GULP1: variants seen among roughly 807,000 people sequenced by gnomAD.
GULP1 encodes PTB domain-containing engulfment adapter protein 1.
GULP1 carries 19 observed loss-of-function variants against 40.9 expected under a neutral mutation model. The observed-to-expected ratio is 0.46, with a 90% CI of 0.32 to 0.68. The LOEUF is 0.68. Among genes scored for constraint, GULP1 ranks in the 30% least tolerant of loss-of-function variants. The probability of loss-of-function intolerance (pLI) is 0.03; values close to 1 mark genes in which losing one functional copy is unlikely to be tolerated. For missense variants in GULP1, 312 were observed against 362.2 expected, an observed-to-expected ratio of 0.86 and a Z score of 1.12; for synonymous variants, 119 against 117.6, an observed-to-expected ratio of 1.01 and a Z score of -0.08.
intron 2 of GULP1, among the ~76,000 whole-genome samples, chr2:188,413,946 T>A (rs1342694164): frequency 6.6e-6 from 1 of 152,120 alleles, no homozygotes; most frequent in Non-Finnish European, 1.5e-5. Flanking sequence ...TTAGTTGGAA[T>A]GATTCATTGA....
intron 1 of GULP1, among the ~76,000 whole-genome samples, chr2:188,321,748 G>A (rs1483687112): frequency 6.6e-6 from 1 of 151,978 alleles, no homozygotes; most frequent in Non-Finnish European, 1.5e-5. Context: ...CAAGCATGGT[G>A]GCTCACACCT....
At chr2:188,395,278 T>G (rs2051085489) in intron 2 of GULP1, among the ~76,000 whole-genome samples, 1 of 152,210 alleles carries the variant, frequency 6.6e-6, no homozygotes, top group Non-Finnish European at 1.5e-5. Context: ...AGCACAAGTT[T>G]TCATCTGCAC....
intron 1 of GULP1, among the ~76,000 whole-genome samples, chr2:188,383,189 C>G (rs1370976504): frequency 6.6e-6 from 1 of 152,132 alleles, no homozygotes; most frequent in Non-Finnish European, 1.5e-5. Context: ...GCTGTTGTGT[C>G]TACCCAGAAA....
At chr2:188,296,186 A>G (rs868088429) in intron 1 of GULP1, among the ~76,000 whole-genome samples, 1 of 152,098 alleles carries the variant, frequency 6.6e-6, no homozygotes, top group Non-Finnish European at 1.5e-5. Context: ...TTCCCATAAG[A>G]GCATAAAATA....
intron 4 of GULP1, among the ~76,000 whole-genome samples, chr2:188,506,710 A>G (rs1443161132): frequency 6.6e-6 from 1 of 152,040 alleles, no homozygotes; most frequent in Non-Finnish European, 1.5e-5. Flanking sequence ...CTTAAATTCT[A>G]CATCACTATG....
intron 2 of GULP1, among the ~76,000 whole-genome samples, chr2:188,394,549 A>T (rs2050963643): frequency 6.6e-6 from 1 of 152,010 alleles, no homozygotes; most frequent in African/African-American, 2.4e-5. Flanking sequence ...CTTGGTTTGG[A>T]CCCATTTCTG....
At chr2:188,589,504 T>G (rs189080890) in intron 11 of GULP1, 1 of 329,220 alleles carries the variant, frequency 3.0e-6, no homozygotes, top group Non-Finnish European at 5.5e-6. Context: ...GCACAGGTCA[T>G]ACAGAGTACT....
At chr2:188,481,300 T>C (rs2061429507) in intron 3 of GULP1, among the ~76,000 whole-genome samples, 1 of 151,978 alleles carries the variant, frequency 6.6e-6, no homozygotes, top group South Asian at 2.1e-4. Flanking sequence ...TACTCAAGAT[T>C]TAGTCCTATC....
At chr2:188,475,309 CTG>C (rs1436572252) in intron 2 of GULP1, among the ~76,000 whole-genome samples, 1 of 152,112 alleles carries the variant, frequency 6.6e-6, no homozygotes, top group African/African-American at 2.4e-5. Context: ...AAAAGTGCTT[CTG>C]GTGTTTTAGA....
chr2:188,452,834 G>A (rs180783309), intron 2 of GULP1, among the ~76,000 whole-genome samples: 2 of 151,978 alleles, frequency 1.3e-5, no homozygotes, highest in East Asian at 3.9e-4. Context: ...ACAATAATAG[G>A]GTATATTTCA....
intron 1 of GULP1, among the ~76,000 whole-genome samples, chr2:188,334,806 G>A (rs1028306421): frequency 6.6e-6 from 1 of 152,086 alleles, no homozygotes; most frequent in Non-Finnish European, 1.5e-5. Context: ...ATCATATTTG[G>A]GATAGAAAGG....
chr2:188,480,456 G>T, intron 3 of GULP1, among the ~76,000 whole-genome samples: 2 of 147,556 alleles, frequency 1.4e-5, no homozygotes. Context: ...ACATAATTGT[G>T]TTTTTTTTTT....
chr2:188,450,538 A>G (rs116347740), intron 2 of GULP1, among the ~76,000 whole-genome samples: 2,768 of 152,148 alleles, frequency 0.018, 44 homozygotes, highest in Non-Finnish European at 0.031. Flanking sequence ...CTATATAGAT[A>G]TATACATTAT....
chr2:188,513,658 G>A (rs960208992), intron 4 of GULP1, among the ~76,000 whole-genome samples: 3 of 151,748 alleles, frequency 2.0e-5, no homozygotes, highest in Non-Finnish European at 2.9e-5. Flanking sequence ...TAAAATTAAC[G>A]TATTTATTCA....
At chr2:188,556,064 A>AAAAAAG (rs201275245) in intron 7 of GULP1, among the ~76,000 whole-genome samples, 1 of 151,846 alleles carries the variant, frequency 6.6e-6, no homozygotes, top group Non-Finnish European at 1.5e-5. Flanking sequence ...TCTCAAAAAA[A>AAAAAAG]AAAAAGAAAA....
At chr2:188,555,256 G>A (rs1484162511) in intron 7 of GULP1, among the ~76,000 whole-genome samples, 1 of 152,112 alleles carries the variant, frequency 6.6e-6, no homozygotes, top group African/African-American at 2.4e-5. Flanking sequence ...GTAGATGTCT[G>A]TAGTGGTACA....
intron 7 of GULP1, among the ~76,000 whole-genome samples, chr2:188,564,533 T>C (rs1200418244): frequency 6.6e-6 from 1 of 151,912 alleles, no homozygotes; most frequent in Non-Finnish European, 1.5e-5. Flanking sequence ...AAGCCCTCTA[T>C]ACTGAAATCT....
chr2:188,585,219 G>A (rs1702123818), intron 10 of GULP1, among the ~76,000 whole-genome samples: 1 of 152,168 alleles, frequency 6.6e-6, no homozygotes, highest in South Asian at 2.1e-4. Flanking sequence ...CCACCTCTGT[G>A]GCTCTGCAGG....
rs558252698 is a variant in GULP1, at chr2:188,516,964, C to T, written c.91-5792C>T. Among the ~76,000 whole-genome samples the T allele has an allele frequency of 4.6e-5, 7 of 152,210 alleles. No individual in the cohort carries two copies. The South Asian group carries it at 1.5e-3, about 32-fold the overall frequency. On this transcript the variant is annotated intron_variant, in intron 4 of 11. Transcript: ENST00000409830. ...ACATCCTATTTAAAATGGTATGACA[C>T]AGAAAGCAGACACAGTCACATACTC...
Sources: gnomAD v4.1 joint callset for allele counts (sites outside exome capture counted in the v4.1 genomes callset) on GRCh38, gnomAD v4.1.1 for gene constraint, MANE v1.5 for transcripts, NCBI Gene and HGNC (gene_info 2026-07-23, HGNC 2026-07-21) for gene names.